The following NEO1 variants were observed in gnomAD, a reference collection of about 807,000 sequenced individuals.
NEO1 encodes the protein neogenin 1.
In NEO1, 63 loss-of-function variants were observed where a neutral mutation model predicts 159.7. That is an observed-to-expected ratio of 0.39 (90% CI 0.32 to 0.49). NEO1 has a LOEUF of 0.49. NEO1 is among the 20% of genes least tolerant of loss of function. The pLI, the probability that NEO1 is intolerant of heterozygous loss-of-function variation, is 0.85. For synonymous variants in NEO1, 633 were observed against 662.0 expected, an observed-to-expected ratio of 0.96 and a Z score of 0.67; for missense variants, 1,615 against 1,831.0, an observed-to-expected ratio of 0.88 and a Z score of 2.15.
chr15:73,065,740 C>A (rs1000216999), intron 1 of NEO1, among the ~76,000 whole-genome samples: 2 of 152,154 alleles, frequency 1.3e-5, no homozygotes, highest in Non-Finnish European at 2.9e-5. Context: ...TGATCACTTT[C>A]ATCACTTTTG....
At chr15:73,099,128 T>C (rs751904174) in intron 1 of NEO1, among the ~76,000 whole-genome samples, 20 of 152,116 alleles carry the variant, frequency 1.3e-4, no homozygotes, top group Non-Finnish European at 2.2e-4. Context: ...GCTTTTGGTT[T>C]ATATATATAT....
At chr15:73,242,317 A>G (rs1205041306) in intron 8 of NEO1, among the ~76,000 whole-genome samples, 1 of 152,182 alleles carries the variant, frequency 6.6e-6, no homozygotes, top group Non-Finnish European at 1.5e-5. Context: ...TTTATGTTAT[A>G]TGTATTATAT....
intron 7 of NEO1, among the ~76,000 whole-genome samples, chr15:73,192,614 A>G (rs919273544): frequency 3.9e-5 from 6 of 151,996 alleles, no homozygotes; most frequent in East Asian, 3.8e-4. Flanking sequence ...GATCCAACCA[A>G]TAAGGGACTA....
chr15:73,227,868 G>A (rs764358436), intron 7 of NEO1, among the ~76,000 whole-genome samples: 5 of 152,192 alleles, frequency 3.3e-5, no homozygotes, highest in African/African-American at 7.2e-5. Context: ...CCTAGAAAGC[G>A]AGGATGGGAC....
chr15:73,192,136 G>A (rs2152017936), intron 7 of NEO1, among the ~76,000 whole-genome samples: 1 of 152,032 alleles, frequency 6.6e-6, no homozygotes, highest in South Asian at 2.1e-4. Flanking sequence ...AAGAATTATT[G>A]GGGTAGAGTG....
chr15:73,157,181 C>T (rs2033844464), intron 5 of NEO1, among the ~76,000 whole-genome samples: 1 of 152,186 alleles, frequency 6.6e-6, no homozygotes, highest in East Asian at 1.9e-4. Context: ...CTGCTCAGGT[C>T]CCAAGCAGGT....
chr15:73,066,520 A>G (rs1199855732), intron 1 of NEO1, among the ~76,000 whole-genome samples: 1 of 151,880 alleles, frequency 6.6e-6, no homozygotes, highest in East Asian at 1.9e-4. Context: ...TGTATGAAAA[A>G]TTATCGAGAT....
rs147221393 is a variant in NEO1 at position 73,102,139 on chromosome 15, G to A, written c.131-14401G>A. Among the ~76,000 whole-genome samples, 1,517 of 152,232 alleles carry A rather than the reference G, an allele frequency of 1.0e-2. 14 individuals are homozygous for A. The highest frequency in any genetic ancestry group is 0.015 in the Non-Finnish European group (1,020 of 68,004). On this transcript the variant is annotated intron_variant, in intron 1 of 28. Transcript: ENST00000261908. ...ATCTCAGCACTTTAGAGGCCGAGGC[G>A]GGCGGATCATGAGGTCGGGAGTTCA...
At chr15:73,067,353 G>A (rs1192941334) in intron 1 of NEO1, among the ~76,000 whole-genome samples, 2 of 151,978 alleles carry the variant, frequency 1.3e-5, no homozygotes, top group African/African-American at 4.8e-5. Flanking sequence ...CATTCTTTTA[G>A]CTTCTAGGTC....
rs1415008955 is a variant in NEO1, at chr15:73,283,076, C to G, written c.3375C>G (p.Val1125=). The change falls in exon 23 of 29, where the codon GTC becomes GTG. Residue 1125 remains valine, a synonymous_variant. Transcript: ENST00000261908. ...ITIVVVVIIA[V]FCTRRTTSHQ... ...TCGTGGTGGTTGTGATTATCGCTGT[C>G]TTTTGTACCCGTCGTACCACCTCTC... is the stretch of plus-strand genomic sequence containing the variant. 6 of 1,614,080 alleles carry G rather than the reference C, an allele frequency of 3.7e-6. No homozygotes were observed. Among genetic ancestry groups the G allele is most frequent in the Non-Finnish European group, 5.1e-6 (6 of 1,180,044 alleles).
intron 27 of NEO1, among the ~76,000 whole-genome samples, chr15:73,299,701 C>T (rs545265593): frequency 3.3e-4 from 50 of 152,226 alleles, no homozygotes; most frequent in African/African-American, 1.2e-3. Context: ...CAACTATTTT[C>T]AAAACAAAAA....
chr15:73,084,227 C>T (rs904475192), intron 1 of NEO1, among the ~76,000 whole-genome samples: 9 of 152,032 alleles, frequency 5.9e-5, no homozygotes, highest in African/African-American at 2.2e-4. Flanking sequence ...ACTACACTAA[C>T]CTTATTGTAC....
At chr15:73,055,160 G>A (rs915641482) in intron 1 of NEO1, among the ~76,000 whole-genome samples, 1 of 152,160 alleles carries the variant, frequency 6.6e-6, no homozygotes, top group Admixed American at 6.5e-5. Flanking sequence ...TTCTGAAAAA[G>A]GGCAGATTAC....
chr15:73,215,517 T>C (rs2037826621), intron 7 of NEO1, among the ~76,000 whole-genome samples: 1 of 152,256 alleles, frequency 6.6e-6, no homozygotes, highest in Non-Finnish European at 1.5e-5. Context: ...TCAAATGCTT[T>C]CTCTGCATCT....
chr15:73,063,649 GTTT>G (rs1567109898), intron 1 of NEO1, among the ~76,000 whole-genome samples: 4 of 151,846 alleles, frequency 2.6e-5, no homozygotes, highest in African/African-American at 9.7e-5. Flanking sequence ...TTGTTTGTTT[GTTT>G]GTTTTTTGGC....
chr15:73,153,068 C>T (rs1448731174), intron 5 of NEO1, among the ~76,000 whole-genome samples: 1 of 152,120 alleles, frequency 6.6e-6, no homozygotes, highest in African/African-American at 2.4e-5. Flanking sequence ...GGTTTAAATT[C>T]TGCTGTGAGT....
At chr15:73,222,564 A>C (rs1166082940) in intron 7 of NEO1, among the ~76,000 whole-genome samples, 1 of 151,990 alleles carries the variant, frequency 6.6e-6, no homozygotes, top group Non-Finnish European at 1.5e-5. Context: ...AGTAGTCTTG[A>C]ATGATCTTTT....
chr15:73,213,828 C>A (rs1484193929), intron 7 of NEO1, among the ~76,000 whole-genome samples: 2 of 152,152 alleles, frequency 1.3e-5, no homozygotes, highest in Non-Finnish European at 1.5e-5. Flanking sequence ...ACTTTTAATT[C>A]TTCAAGAAAT....
chr15:73,122,063 GTATATATATATATA>G (rs200219694), intron 2 of NEO1, among the ~76,000 whole-genome samples: 555 of 126,318 alleles, frequency 4.4e-3, no homozygotes, highest in African/African-American at 0.015. Flanking sequence ...GTGTGTGTGT[GTATATATATATATA>G]TATATATATA....
Sources: allele counts gnomAD v4.1 joint callset (sites outside exome capture counted in the v4.1 genomes callset), GRCh38; gene constraint gnomAD v4.1.1; transcripts MANE v1.5; gene names NCBI Gene and HGNC (gene_info 2026-07-23, HGNC 2026-07-21).